PRKDC: variants seen among roughly 807,000 people sequenced by gnomAD.
The protein encoded by PRKDC is protein kinase, DNA-activated, catalytic subunit.
A neutral mutation model predicts 486.9 loss-of-function variants in PRKDC; 82 were observed. That is an observed-to-expected ratio of 0.17 (90% CI 0.14 to 0.20). The LOEUF (loss-of-function observed/expected upper bound fraction) is 0.20, where lower values mean the gene tolerates loss of function less well. Ranked by LOEUF, PRKDC falls within the 10% of genes least tolerant of loss-of-function variation. The probability of loss-of-function intolerance (pLI) is 1.00; values close to 1 mark genes in which losing one functional copy is unlikely to be tolerated. For missense variants in PRKDC, 4,504 were observed against 5,038.2 expected (o/e 0.89, Z 3.21); for synonymous variants, 1,895 against 1,837.0 (o/e 1.03, Z -0.81).
chr8:47,855,569 T>C (rs1017094985), intron 49 of PRKDC, among the ~76,000 whole-genome samples, 196 bp from the exon 50 acceptor site: 2 of 152,194 alleles, frequency 1.3e-5, no homozygotes, highest in Non-Finnish European at 2.9e-5. Context: ...GGCGCTGCAA[T>C]CTCAGAGTTG....
At chr8:47,904,771 C>T (rs372685984) in intron 26 of PRKDC, 98 bp downstream of exon 26, 58 of 949,956 alleles carry the variant, frequency 6.1e-5, no homozygotes, top group African/African-American at 4.2e-4. Context: ...CCAGCCTGGG[C>T]GACGGAGCAA....
intron 73 of PRKDC, among the ~76,000 whole-genome samples, chr8:47,796,941 T>G (rs1438412559): frequency 6.6e-6 from 1 of 152,192 alleles, no homozygotes; most frequent in Non-Finnish European, 1.5e-5. Flanking sequence ...TGTATAGAAG[T>G]CAAACTATTT....
intron 32 of PRKDC, among the ~76,000 whole-genome samples, chr8:47,889,730 A>T (rs190545346): frequency 1.1e-4 from 17 of 152,344 alleles, no homozygotes; most frequent in African/African-American, 4.1e-4. Flanking sequence ...CAATTAGAAA[A>T]AACTATTTTA....
rs1404078528 is a variant in PRKDC at position 47,788,951 on chromosome 8, G to T, written c.10857C>A (p.Asp3619Glu). ...AGGCCCCCAGGCCTGGAGCCTTTGGGTCACCCAAGGCTGCATACATTCTTT... is the reference window on the plus strand; with the variant it reads ...AGGCCCCCAGGCCTGGAGCCTTTGGTTCACCCAAGGCTGCATACATTCTTT... ...MYERMYAALG[D>E]PKAPGLGAFR... The change falls in exon 76 of 86, where the codon GAC becomes GAA. Residue 3619 changes from aspartate (D) to glutamate (E), a missense_variant. By Grantham distance (45) the Asp-to-Glu change is conservative. Coordinates refer to ENST00000314191, the MANE Select transcript of PRKDC (RefSeq NM_006904.7). The T allele has an allele frequency of 3.7e-6, 6 of 1,611,490 alleles. No individual in the cohort carries two copies. In the South Asian group the frequency reaches 6.6e-5, roughly 18 times the overall value.
chr8:47,803,503 G>C (rs1417850352), intron 69 of PRKDC, 23 bp from the exon 70 acceptor site: 1 of 1,611,220 alleles, frequency 6.2e-7, no homozygotes, highest in Admixed American at 1.7e-5. Flanking sequence ...AATAAAAAGA[G>C]AGAAGGTGGT....
chr8:47,932,770 G>A (rs1435165106), intron 16 of PRKDC, among the ~76,000 whole-genome samples: 1 of 151,342 alleles, frequency 6.6e-6, no homozygotes, highest in African/African-American at 2.4e-5. Flanking sequence ...AGAAACAAAT[G>A]AACCTAGTAA....
At chr8:47,828,866 CT>C (rs1391360881) in intron 61 of PRKDC, among the ~76,000 whole-genome samples, 1 of 152,206 alleles carries the variant, frequency 6.6e-6, no homozygotes, top group Non-Finnish European at 1.5e-5. Flanking sequence ...CACCTGACCA[CT>C]TTAAACTATT....
intron 40 of PRKDC, among the ~76,000 whole-genome samples, chr8:47,866,156 C>CAAAAAAA (rs766279016): frequency 3.8e-5 from 2 of 52,306 alleles, no homozygotes; most frequent in South Asian, 6.9e-4. Context: ...AACTCCGTCG[C>CAAAAAAA]AAAAAAAAAA....
intron 61 of PRKDC, among the ~76,000 whole-genome samples, chr8:47,829,471 C>T (rs1216120266): frequency 2.0e-5 from 3 of 152,074 alleles, no homozygotes; most frequent in Non-Finnish European, 1.5e-5. Context: ...TAAGATTATA[C>T]TTAATATTTA....
intron 85 of PRKDC, 147 bp downstream of exon 85, chr8:47,776,693 CCTCT>C: frequency 9.2e-7 from 1 of 1,084,108 alleles, no homozygotes; most frequent in Non-Finnish European, 1.3e-6. Flanking sequence ...GGGAAGTCAG[CCTCT>C]CTAAGCCCTG....
intron 54 of PRKDC, among the ~76,000 whole-genome samples, chr8:47,841,375 T>G (rs1463490439): frequency 6.6e-6 from 1 of 151,810 alleles, no homozygotes; most frequent in Non-Finnish European, 1.5e-5. Flanking sequence ...GTCCTTCCTG[T>G]GGGTCTGGGG....
intron 7 of PRKDC, among the ~76,000 whole-genome samples, chr8:47,945,565 A>AG (rs764918707): frequency 5.9e-5 from 9 of 152,118 alleles, no homozygotes; most frequent in Non-Finnish European, 1.3e-4. Context: ...TCCATGCTGC[A>AG]GCATGTGTCA....
intron 21 of PRKDC, among the ~76,000 whole-genome samples, chr8:47,923,125 G>A (rs539824426): frequency 4.0e-5 from 6 of 151,432 alleles, no homozygotes; most frequent in African/African-American, 1.5e-4. Context: ...GTGCAACGGC[G>A]TGATCTCGGC....
In PRKDC at chr8:47,800,936, C is replaced by G; in HGVS notation, c.9973G>C (p.Asp3325His). ...YLSKNILAFR[D>H]QNILLGTTYR... ...GTTGTACCCAAGAGAATGTTCTGGTCACGGAAAGCCAGAATATTTTTGCTT... is the reference window on the plus strand; with the variant it reads ...GTTGTACCCAAGAGAATGTTCTGGTGACGGAAAGCCAGAATATTTTTGCTT... The change falls in exon 71 of 86, where the codon GAC becomes CAC. Residue 3325 changes from aspartate to histidine, a missense_variant. Asp to His is a moderately conservative substitution (Grantham distance 81, BLOSUM62 -1). Coordinates refer to ENST00000314191, the MANE Select transcript of PRKDC (RefSeq NM_006904.7). 6.2e-7 allele frequency: 1 copy of G among 1,613,896 alleles called. No individual in the cohort carries two copies. The highest frequency in any genetic ancestry group is 8.5e-7 in the Non-Finnish European group (1 of 1,179,872).
At chr8:47,953,118 G>A (rs2090652218) in intron 7 of PRKDC, among the ~76,000 whole-genome samples, 1 of 152,042 alleles carries the variant, frequency 6.6e-6, no homozygotes, top group South Asian at 2.1e-4. Context: ...TCCACCCTGG[G>A]CTACGGAGCG....
rs2090355381 is a variant in PRKDC at position 47,936,525 on chromosome 8, A to T, written c.1114-8T>A. The T allele has an allele frequency of 6.2e-7, 1 of 1,613,752 alleles. No individual in the cohort carries two copies. The highest frequency in any genetic ancestry group is 1.3e-5 in the African/African-American group (1 of 74,932). On this transcript the variant is annotated splice_polypyrimidine_tract_variant and splice_region_variant and intron_variant, in intron 11 of 85. Transcript: ENST00000314191. ...GTTTATAACCTTGCACGGCTTTAGAAAAGGTAAAACAGAAGTCTTCATCAA... is the reference window on the plus strand; with the variant it reads ...GTTTATAACCTTGCACGGCTTTAGATAAGGTAAAACAGAAGTCTTCATCAA...
chr8:47,777,484 T>C (rs1221116539), intron 84 of PRKDC, among the ~76,000 whole-genome samples: 1 of 152,190 alleles, frequency 6.6e-6, no homozygotes, highest in African/African-American at 2.4e-5. Flanking sequence ...TTTGGGATTA[T>C]AGGTGTGAGC....
intron 1 of PRKDC, chr8:47,959,296 T>C (rs767027756): frequency 3.3e-5 from 5 of 152,190 alleles, no homozygotes; most frequent in Admixed American, 6.5e-5. Context: ...TTCAATTACA[T>C]TTCTTCAATT....
At chr8:47,943,790 G>T in intron 9 of PRKDC, 63 bp downstream of exon 9, 1 of 1,352,054 alleles carries the variant, frequency 7.4e-7, no homozygotes, top group East Asian at 2.5e-5. Flanking sequence ...TTAAGCAAAA[G>T]CTTACTTGAG....
Sources: allele counts gnomAD v4.1 joint callset (sites outside exome capture counted in the v4.1 genomes callset), GRCh38; gene constraint gnomAD v4.1.1; transcripts MANE v1.5; gene names NCBI Gene and HGNC (gene_info 2026-07-23, HGNC 2026-07-21).